SPATA1: variants seen among roughly 807,000 people sequenced by gnomAD.
SPATA1 encodes the protein spermatogenesis associated 1, also known as spermatogenesis-associated protein 1.
A neutral mutation model predicts 59.6 loss-of-function variants in SPATA1; 57 were observed. The observed-to-expected ratio is 0.96, with a 90% CI of 0.77 to 1.19. The LOEUF is 1.19. Among genes scored for constraint, SPATA1 ranks in the 50% most tolerant of loss-of-function variants. The pLI, the probability that SPATA1 is intolerant of heterozygous loss-of-function variation, is 0.00. For synonymous variants in SPATA1, 147 were observed against 163.9 expected (o/e 0.90, Z 0.79); for missense variants, 448 against 480.7 (o/e 0.93, Z 0.64).
chr1:84,565,756 C>T, intron 4 of SPATA1, 105 bp from the exon 14 acceptor site: 1 of 765,812 alleles, frequency 1.3e-6, no homozygotes, highest in East Asian at 4.7e-5. Flanking sequence ...ATACATATAA[C>T]TTAGAAATAC....
intron 6 of SPATA1, among the ~76,000 whole-genome samples, chr1:84,527,233 G>T (rs893078547): frequency 1.3e-5 from 2 of 152,032 alleles, no homozygotes; most frequent in Non-Finnish European, 2.9e-5. Flanking sequence ...TAGTATATCT[G>T]CTTTTCCTTC....
At chr1:84,545,092 C>T (rs1290676955) in intron 9 of SPATA1, among the ~76,000 whole-genome samples, 1 of 150,706 alleles carries the variant, frequency 6.6e-6, no homozygotes, top group Non-Finnish European at 1.5e-5. Context: ...TGGCAGCTGC[C>T]TATAGTCCTA....
intron 12 of SPATA1, chr1:84,551,541 T>C (rs368889753): frequency 3.9e-5 from 6 of 154,738 alleles, no homozygotes; most frequent in Non-Finnish European, 7.1e-5. Flanking sequence ...ATTTTAAATT[T>C]TATTTAATTT....
chr1:84,525,154 A>T (rs1020930733), intron 4 of SPATA1, among the ~76,000 whole-genome samples: 18 of 152,234 alleles, frequency 1.2e-4, no homozygotes, highest in African/African-American at 4.1e-4. Flanking sequence ...TTTAGTAGAG[A>T]TGGGGTTTCA....
chr1:84,531,351 C>T (rs1007848175), intron 6 of SPATA1, among the ~76,000 whole-genome samples: 3 of 151,694 alleles, frequency 2.0e-5, no homozygotes, highest in Non-Finnish European at 4.4e-5. Flanking sequence ...TTAGTAGAGA[C>T]AGGGTTTTAC....
At chr1:84,520,546 T>C in intron 2 of SPATA1, 39 bp from the exon 3 acceptor site, 6 of 1,257,486 alleles carry the variant, frequency 4.8e-6, no homozygotes, top group Non-Finnish European at 5.4e-6. Flanking sequence ...TTTTTCACTT[T>C]AAAAATATTT....
At chr1:84,562,235 ATATTTTGCACACATGTGCATCTGTGTGTG>A (rs1186484862) in intron 4 of SPATA1, among the ~76,000 whole-genome samples, 1 of 152,208 alleles carries the variant, frequency 6.6e-6, no homozygotes, top group Non-Finnish European at 1.5e-5. Flanking sequence ...ACACGTGTGT[ATATTTTGCACACATGTGCATCTGTGTGTG>A]TAATATTAAC....
intron 1 of SPATA1, among the ~76,000 whole-genome samples, chr1:84,515,715 G>A (rs1458457829): frequency 6.6e-6 from 1 of 152,150 alleles, no homozygotes; most frequent in Non-Finnish European, 1.5e-5. Context: ...CACAAATGAA[G>A]CCTGATTTAT....
At chr1:84,513,842 ATT>A (rs60377217) in intron 1 of SPATA1, among the ~76,000 whole-genome samples, 2 of 125,008 alleles carry the variant, frequency 1.6e-5, no homozygotes. Context: ...TCTATATTCT[ATT>A]TTTTTTTTTT....
chr1:84,556,335 CT>C (rs898171822), downstream of SPATA1, among the ~76,000 whole-genome samples: 1 of 152,164 alleles, frequency 6.6e-6, no homozygotes, highest in African/African-American at 2.4e-5. Flanking sequence ...TTATATACAT[CT>C]AGGAAACTCC....
intron 6 of SPATA1, among the ~76,000 whole-genome samples, chr1:84,529,226 G>A (rs912705290): frequency 1.3e-5 from 2 of 152,042 alleles, no homozygotes; most frequent in Non-Finnish European, 2.9e-5. Context: ...AATTCTTTTC[G>A]ATAGTTTTGG....
chr1:84,549,409 G>C (rs886306462), intron 11 of SPATA1, among the ~76,000 whole-genome samples: 1 of 152,068 alleles, frequency 6.6e-6, no homozygotes, highest in Non-Finnish European at 1.5e-5. Flanking sequence ...AGACTAATTA[G>C]GATTTACCTC....
At chr1:84,515,540 T>G (rs1040065416) in intron 1 of SPATA1, among the ~76,000 whole-genome samples, 2 of 152,190 alleles carry the variant, frequency 1.3e-5, no homozygotes, top group African/African-American at 2.4e-5. Flanking sequence ...TGTGTTGGTA[T>G]GATTAATGTA....
At chr1:84,518,046 T>C (rs1000307211) in intron 2 of SPATA1, among the ~76,000 whole-genome samples, 7 of 152,086 alleles carry the variant, frequency 4.6e-5, no homozygotes, top group African/African-American at 1.4e-4. Flanking sequence ...TTACAGGAGA[T>C]AAGAGGTTGG....
chr1:84,534,915 C>A (rs1412310326), intron 8 of SPATA1, among the ~76,000 whole-genome samples: 1 of 152,114 alleles, frequency 6.6e-6, no homozygotes, highest in East Asian at 1.9e-4. Flanking sequence ...CATTACTATT[C>A]TTCTAGACAA....
downstream of SPATA1, among the ~76,000 whole-genome samples, chr1:84,555,575 CT>C (rs1427457228): frequency 6.6e-6 from 1 of 152,204 alleles, no homozygotes; most frequent in African/African-American, 2.4e-5. Context: ...GCTTATGGCA[CT>C]TTTAACAATG....
chr1:84,562,431 T>C (rs1684613102), intron 4 of SPATA1, among the ~76,000 whole-genome samples: 1 of 152,248 alleles, frequency 6.6e-6, no homozygotes, highest in African/African-American at 2.4e-5. Flanking sequence ...CAATTATAAT[T>C]TATGACATGT....
At chr1:84,534,459 A>G (rs1472029137) in intron 8 of SPATA1, among the ~76,000 whole-genome samples, 1 of 152,078 alleles carries the variant, frequency 6.6e-6, no homozygotes, top group Non-Finnish European at 1.5e-5. Flanking sequence ...TATGGTTATC[A>G]TTCCCCTTTT....
At chr1:84,549,164 G>A (rs1301280387) in intron 11 of SPATA1, among the ~76,000 whole-genome samples, 200 bp downstream of exon 11, 1 of 151,902 alleles carries the variant, frequency 6.6e-6, no homozygotes, top group Non-Finnish European at 1.5e-5. Flanking sequence ...GCCTTTAAGG[G>A]GTCTGATATT....
Sources: gnomAD v4.1 joint callset for allele counts (sites outside exome capture counted in the v4.1 genomes callset) on GRCh38, gnomAD v4.1.1 for gene constraint, MANE v1.5 for transcripts, NCBI Gene and HGNC (gene_info 2026-07-23, HGNC 2026-07-21) for gene names.